CSMD3: variants seen among roughly 807,000 people sequenced by gnomAD.
CSMD3 encodes CUB and sushi domain-containing protein 3.
In CSMD3, 177 loss-of-function variants were observed where a neutral mutation model predicts 435.2. The ratio of observed to expected loss-of-function variants is 0.41; its 90% CI spans 0.36 to 0.46. The LOEUF (loss-of-function observed/expected upper bound fraction) is 0.46, where lower values mean the gene tolerates loss of function less well. Among genes scored for constraint, CSMD3 ranks in the 20% least tolerant of loss-of-function variants. The probability of loss-of-function intolerance (pLI) is 0.34; values close to 1 mark genes in which losing one functional copy is unlikely to be tolerated. For missense variants in CSMD3, 4,265 were observed against 4,504.6 expected, an observed-to-expected ratio of 0.95 and a Z score of 1.52; for synonymous variants, 1,656 against 1,520.5, an observed-to-expected ratio of 1.09 and a Z score of -2.07.
intron 16 of CSMD3, among the ~76,000 whole-genome samples, chr8:112,666,817 A>G (rs965726380): frequency 9.9e-5 from 15 of 152,006 alleles, no homozygotes; most frequent in Non-Finnish European, 2.1e-4. Flanking sequence ...CATCTTATAC[A>G]CTAACAGTTT....
At chr8:113,384,678 G>A (rs1244521218) in intron 1 of CSMD3, among the ~76,000 whole-genome samples, 2 of 152,150 alleles carry the variant, frequency 1.3e-5, no homozygotes, top group Non-Finnish European at 2.9e-5. Context: ...TTTGAAAAGT[G>A]CTACAAGAAT....
chr8:112,665,001 T>C (rs2075485578), intron 17 of CSMD3, among the ~76,000 whole-genome samples: 1 of 152,166 alleles, frequency 6.6e-6, no homozygotes, highest in South Asian at 2.1e-4. Flanking sequence ...AAATTAAGTT[T>C]AGCTTAAAAC....
At chr8:112,245,432 A>C (rs35414656) in intron 64 of CSMD3, among the ~76,000 whole-genome samples, 9 of 152,320 alleles carry the variant, frequency 5.9e-5, no homozygotes, top group Middle Eastern at 3.4e-3. Flanking sequence ...ATAAAAAAAA[A>C]CAATATTTTT....
intron 6 of CSMD3, among the ~76,000 whole-genome samples, chr8:112,993,926 T>TAAATTGAATAATAAA: frequency 6.6e-6 from 1 of 151,854 alleles, no homozygotes; most frequent in East Asian, 1.9e-4. Context: ...GTCAGCTGTA[T>TAAATTGAATAATAAA]CAATTAACTT....
At chr8:113,156,628 T>C (rs570496677) in intron 4 of CSMD3, among the ~76,000 whole-genome samples, 2 of 151,830 alleles carry the variant, frequency 1.3e-5, no homozygotes, top group African/African-American at 2.4e-5. Flanking sequence ...AGGCTAAGCA[T>C]AGTGGTTCAC....
intron 27 of CSMD3, among the ~76,000 whole-genome samples, chr8:112,535,220 G>T (rs1233419329): frequency 6.6e-6 from 1 of 151,712 alleles, no homozygotes; most frequent in African/African-American, 2.4e-5. Flanking sequence ...AGGAAAAGAG[G>T]AAGTCAAATT....
At chr8:112,464,276 C>T (rs940206390) in intron 32 of CSMD3, among the ~76,000 whole-genome samples, 4 of 151,050 alleles carry the variant, frequency 2.6e-5, no homozygotes, top group Non-Finnish European at 5.9e-5. Flanking sequence ...GCTGATATTG[C>T]TATCCAGGTC....
chr8:113,316,593 AG>A (rs2093911884), intron 1 of CSMD3, among the ~76,000 whole-genome samples: 1 of 149,674 alleles, frequency 6.7e-6, no homozygotes, highest in Non-Finnish European at 1.5e-5. Flanking sequence ...TCTGTTGCCC[AG>A]GCTATAGTGT....
At chr8:112,598,486 A>G (rs1831979618) in intron 22 of CSMD3, among the ~76,000 whole-genome samples, 1 of 148,600 alleles carries the variant, frequency 6.7e-6, no homozygotes, top group African/African-American at 2.5e-5. Flanking sequence ...TAAAGCTACC[A>G]ATGACTTTCT....
intron 1 of CSMD3, among the ~76,000 whole-genome samples, chr8:113,323,213 C>A (rs1179022740): frequency 6.6e-6 from 1 of 152,142 alleles, no homozygotes; most frequent in Non-Finnish European, 1.5e-5. Context: ...ATGTAAGTTT[C>A]ATGAGATTTG....
chr8:112,550,566 A>C (rs1247221991), intron 27 of CSMD3, 105 bp downstream of exon 27: 1 of 655,504 alleles, frequency 1.5e-6, no homozygotes. Flanking sequence ...ACGAATATTT[A>C]AAATCATTAA....
rs192100168 is a variant in CSMD3, at chr8:113,154,012, C to A, written c.709+19710G>T. Reference sequence around the variant, plus strand: ...ATTTCAAAATAAGATTAACTACATCCCAATAAATGGTAAGTTTGGTGCACA... The same window carrying A: ...ATTTCAAAATAAGATTAACTACATCACAATAAATGGTAAGTTTGGTGCACA... On this transcript the variant is annotated intron_variant, in intron 4 of 70. Coordinates refer to ENST00000297405, the MANE Select transcript of CSMD3 (RefSeq NM_198123.2). 3.3e-5 allele frequency among the ~76,000 whole-genome samples: 5 copies of A among 151,934 alleles called. No homozygotes were observed. In the East Asian group the frequency reaches 9.7e-4, roughly 30 times the overall value.
At chr8:112,884,419 T>C (rs1420826466) in intron 10 of CSMD3, among the ~76,000 whole-genome samples, 2 of 151,768 alleles carry the variant, frequency 1.3e-5, no homozygotes, top group Admixed American at 6.6e-5. Flanking sequence ...ATCAGATTCA[T>C]GTAGGGTTTT....
At chr8:113,429,449 T>G (rs1019179704) in intron 1 of CSMD3, among the ~76,000 whole-genome samples, 5 of 151,982 alleles carry the variant, frequency 3.3e-5, no homozygotes, top group Admixed American at 6.6e-5. Flanking sequence ...AATGCTCTTT[T>G]GAGACATGAA....
At chr8:112,583,254 C>A (rs1177754705) in intron 23 of CSMD3, among the ~76,000 whole-genome samples, 3 of 151,852 alleles carry the variant, frequency 2.0e-5, no homozygotes, top group African/African-American at 4.8e-5. Flanking sequence ...TTTCTATCTA[C>A]TGAAATAGAG....
rs1258229647 is a variant in CSMD3 at position 112,503,973 on chromosome 8, T to C, written c.4900A>G (p.Ser1634Gly). Residue 1634 changes from serine to glycine, a missense_variant, in exon 30 of 71, where the codon AGC becomes GGC. Ser to Gly is a moderately conservative substitution (Grantham distance 56). Coordinates refer to ENST00000297405, the MANE Select transcript of CSMD3 (RefSeq NM_198123.2). ...AGGAAGTCATAGTTTGGTTCTATGCTAAAACTGAAAAAAAAAAGGAAAGAA... is the reference window on the plus strand; with the variant it reads ...AGGAAGTCATAGTTTGGTTCTATGCCAAAACTGAAAAAAAAAAGGAAAGAA... ...YVISLAFISF[S>G]IEPNYDFLYI... The C allele has an allele frequency of 2.6e-6, 4 of 1,565,336 alleles. No homozygotes were observed. Among genetic ancestry groups the C allele is most frequent in the Non-Finnish European group, 2.6e-6 (3 of 1,142,474 alleles).
At chr8:113,211,722 T>C (rs1319074343) in intron 3 of CSMD3, among the ~76,000 whole-genome samples, 2 of 152,012 alleles carry the variant, frequency 1.3e-5, no homozygotes, top group Non-Finnish European at 2.9e-5. Context: ...AATAAAAGCA[T>C]GCAAAGTTCT....
At position 113,263,908 on chromosome 8, in the gene CSMD3, C is replaced by A. The variant is rs552555821; in HGVS notation, c.514+14684G>T. 1.0e-3 allele frequency among the ~76,000 whole-genome samples: 155 copies of A among 151,632 alleles called. 2 individuals are homozygous for A. The highest frequency in any genetic ancestry group is 3.5e-3 in the African/African-American group (145 of 41,466). ...ATTTGAGGCTATTATTTTATTCATG[C>A]TGAAAATTTTATCTAGCATAGTATA... On this transcript the variant is annotated intron_variant, in intron 3 of 70. Transcript: ENST00000297405.
chr8:112,263,544 C>T lies in CSMD3; in HGVS notation c.9862+95G>A, dbSNP rs1173068430. ...GTAAATACTGATTTTTCTTTGAACC[C>T]TAATTAGGCATTGAAGGAAGCTTAA... is the stretch of plus-strand genomic sequence containing the variant. On this transcript the variant is annotated intron_variant, in intron 61 of 70. Transcript: ENST00000297405. 1.4e-5 allele frequency: 13 copies of T among 948,660 alleles called. No individual in the cohort carries two copies. In the Admixed American group the frequency reaches 1.4e-4, roughly 10 times the overall value. 58.8% of individuals were successfully genotyped at this position (948,660 alleles called of 1,614,324 possible).
Sources: allele counts gnomAD v4.1 joint callset (sites outside exome capture counted in the v4.1 genomes callset), GRCh38; gene constraint gnomAD v4.1.1; transcripts MANE v1.5; gene names NCBI Gene and HGNC (gene_info 2026-07-23, HGNC 2026-07-21).